METTL8: variants seen among roughly 807,000 people sequenced by gnomAD.
The protein encoded by METTL8 is tRNA N(3)-cytidine methyltransferase METTL8, mitochondrial.
A neutral mutation model predicts 48.7 loss-of-function variants in METTL8; 32 were observed. The observed-to-expected ratio is 0.66, with a 90% CI of 0.50 to 0.88. The LOEUF (loss-of-function observed/expected upper bound fraction) is 0.88. Ranked by LOEUF, METTL8 falls within the 40% of genes least tolerant of loss-of-function variation. The pLI is 0.00. For synonymous variants in METTL8, 136 were observed against 157.1 expected (o/e 0.87, Z 1.01); for missense variants, 464 against 474.4 (o/e 0.98, Z 0.20).
At chr2:171,335,603 T>C (rs1052100774) in intron 5 of METTL8, among the ~76,000 whole-genome samples, 1 of 152,076 alleles carries the variant, frequency 6.6e-6, no homozygotes, top group Non-Finnish European at 1.5e-5. Context: ...TTTTGTATTT[T>C]TAGTAGAGAC....
chr2:171,378,904 G>A (rs542450955), intron 2 of METTL8, among the ~76,000 whole-genome samples: 10 of 152,240 alleles, frequency 6.6e-5, no homozygotes, highest in East Asian at 3.9e-4. Flanking sequence ...TGGATTAAGC[G>A]GAACTGATGG....
chr2:171,434,656 G>A (rs1262549049), upstream of METTL8: 4 of 1,535,304 alleles, frequency 2.6e-6, no homozygotes, highest in African/African-American at 4.2e-5. Flanking sequence ...CGACGCAGGC[G>A]TGGTGCAGAG....
chr2:171,346,877 T>A (rs1432278863), intron 3 of METTL8, among the ~76,000 whole-genome samples: 5 of 152,228 alleles, frequency 3.3e-5, no homozygotes. Context: ...GACTGGCACG[T>A]CTGTGATCCC....
rs556248886 is a variant in METTL8, at chr2:171,334,676, T to C, written c.656+2777A>G. Among the ~76,000 whole-genome samples, 7 of 152,284 alleles carry C rather than the reference T, an allele frequency of 4.6e-5. No individual in the cohort carries two copies. The South Asian group carries it at 1.2e-3, about 27-fold the overall frequency. ...TAAAAGATGAATTAATTATCTGAGG[T>C]TATTGAGCTACAGTAATTTCTAAAA... is the stretch of plus-strand genomic sequence containing the variant. On this transcript the variant is annotated intron_variant, in intron 5 of 9. Coordinates refer to ENST00000375258, the MANE Select transcript of METTL8 (RefSeq NM_001321154.2).
At chr2:171,371,443 G>A (rs141376637) in intron 2 of METTL8, among the ~76,000 whole-genome samples, 6,792 of 152,078 alleles carry the variant, frequency 0.045, 215 homozygotes, top group South Asian at 0.14. Context: ...TGCAACCTCC[G>A]CCTCCCAGGT....
chr2:171,330,593 G>A lies in METTL8; in HGVS notation c.826C>T (p.Leu276Phe). ...TGAATAGAAGAGAGCACAAAGACAA[G>A]GAGAATGACATCCAGGATCCCATCT... ...FPDGILDVIL[L>F]VFVLSSIHPD... The change falls in exon 7 of 10, where the codon CTT (leucine) becomes TTT (phenylalanine). Residue 276 changes from leucine (L) to phenylalanine (F), a missense_variant. Physicochemically the swap from Leu to Phe is conservative, Grantham distance 22. Coordinates refer to ENST00000375258, the MANE Select transcript of METTL8 (RefSeq NM_001321154.2). 1 of 1,613,948 alleles carries A rather than the reference G, an allele frequency of 6.2e-7. No homozygotes were observed. Among genetic ancestry groups the A allele is most frequent in the South Asian group, 1.1e-5 (1 of 91,042 alleles).
At chr2:171,377,452 C>G (rs1039304753) in intron 2 of METTL8, among the ~76,000 whole-genome samples, 20 of 152,150 alleles carry the variant, frequency 1.3e-4, no homozygotes, top group Admixed American at 6.5e-4. Flanking sequence ...AAACAGACAA[C>G]CCACAGAGTG....
intron 1 of METTL8, among the ~76,000 whole-genome samples, chr2:171,409,912 C>CCGGA (rs1690577383): frequency 6.6e-6 from 1 of 152,126 alleles, no homozygotes; most frequent in Non-Finnish European, 1.5e-5. Flanking sequence ...TACGGTCAGG[C>CCGGA]CGGAAAGATC....
intron 2 of METTL8, among the ~76,000 whole-genome samples, chr2:171,388,146 CAG>C (rs1688253306): frequency 6.6e-6 from 1 of 152,328 alleles, no homozygotes; most frequent in Middle Eastern, 3.4e-3. Flanking sequence ...ATCAAAACTT[CAG>C]AGTCAACTTC....
chr2:171,360,413 G>GT lies in METTL8; in HGVS notation c.235+8dup. 6.2e-7 allele frequency: 1 copy of GT among 1,612,490 alleles called. No individual in the cohort carries two copies. The highest frequency in any genetic ancestry group is 1.7e-4 in the Middle Eastern group (1 of 6,022). On this transcript the variant is annotated intron_variant, in intron 3 of 9. Transcript: ENST00000375258. Reference sequence around the variant, plus strand: ...CTGGCTCTAGGAGCTACAGCACGCAGTTGACTACCTTGCTCTTCCAGAAGG... The same window carrying GT: ...CTGGCTCTAGGAGCTACAGCACGCAGTTTGACTACCTTGCTCTTCCAGAAGG...
upstream of METTL8, chr2:171,434,352 G>C (rs1310268313): frequency 7.8e-6 from 6 of 766,204 alleles, no homozygotes; most frequent in Non-Finnish European, 1.3e-5. Context: ...AGATCGAAAA[G>C]GGAGTGCTTC....
chr2:171,397,792 G>C (rs1689259211), intron 1 of METTL8, among the ~76,000 whole-genome samples: 1 of 152,060 alleles, frequency 6.6e-6, no homozygotes, highest in Non-Finnish European at 1.5e-5. Context: ...GGATATTATG[G>C]ACAATTTTAT....
intron 1 of METTL8, among the ~76,000 whole-genome samples, chr2:171,399,303 A>G (rs1689420702): frequency 6.6e-6 from 1 of 152,146 alleles, no homozygotes; most frequent in Non-Finnish European, 1.5e-5. Flanking sequence ...AATTGCATTT[A>G]TTATGCTACC....
intron 2 of METTL8, chr2:171,374,877 A>G (rs1480719247): frequency 1.2e-6 from 1 of 833,910 alleles, no homozygotes; most frequent in Non-Finnish European, 2.0e-6. Context: ...TACAATTTCC[A>G]TTTTATTTTT....
In METTL8 at chr2:171,355,201, G is replaced by A. The variant is rs1684391933; in HGVS notation, c.235+5221C>T. On this transcript the variant is annotated intron_variant, in intron 3 of 9. Transcript: ENST00000375258. ...TTCCTTCTAACAGTCAGGACCCTCA[G>A]CTGCAGGTCTGTTGGAATTTGCTGG... 2.0e-5 allele frequency among the ~76,000 whole-genome samples: 3 copies of A among 152,206 alleles called. No homozygotes were observed. In the South Asian group the frequency reaches 6.2e-4, roughly 31 times the overall value.
chr2:171,352,091 G>A (rs1243314896), intron 3 of METTL8, among the ~76,000 whole-genome samples: 1 of 152,162 alleles, frequency 6.6e-6, no homozygotes, highest in Non-Finnish European at 1.5e-5. Flanking sequence ...TATTGACTGT[G>A]AGTTTGTCAT....
At chr2:171,394,767 G>A (rs1049737842) in intron 1 of METTL8, among the ~76,000 whole-genome samples, 2 of 152,174 alleles carry the variant, frequency 1.3e-5, no homozygotes, top group Non-Finnish European at 2.9e-5. Context: ...TAAATTGCAA[G>A]CTTCTAGAGG....
chr2:171,382,066 G>A (rs1215385007), intron 2 of METTL8, among the ~76,000 whole-genome samples: 1 of 152,162 alleles, frequency 6.6e-6, no homozygotes, highest in Non-Finnish European at 1.5e-5. Flanking sequence ...ACAGGCATGA[G>A]CCACCGCGCC....
chr2:171,347,852 TTCCCCTCAAA>T (rs1683443946), intron 3 of METTL8, among the ~76,000 whole-genome samples: 2 of 152,222 alleles, frequency 1.3e-5, no homozygotes, highest in Non-Finnish European at 2.9e-5. Flanking sequence ...TCTGGCCATA[TTCCCCTCAAA>T]GACTTCGTGG....
Sources: gnomAD v4.1 joint callset for allele counts (sites outside exome capture counted in the v4.1 genomes callset) on GRCh38, gnomAD v4.1.1 for gene constraint, MANE v1.5 for transcripts, NCBI Gene and HGNC (gene_info 2026-07-23, HGNC 2026-07-21) for gene names.